The following ARPC5 variants were observed in gnomAD, a reference collection of about 807,000 sequenced individuals.
The protein encoded by ARPC5 is actin-related protein 2/3 complex subunit 5.
A neutral mutation model predicts 15.4 loss-of-function variants in ARPC5; 5 were observed. That is an observed-to-expected ratio of 0.32 (90% CI 0.17 to 0.68). The LOEUF (loss-of-function observed/expected upper bound fraction) is 0.68, where lower values mean the gene tolerates loss of function less well. Ranked by LOEUF, ARPC5 falls within the 30% of genes least tolerant of loss-of-function variation. The pLI is 0.71. For missense variants in ARPC5, 138 were observed against 192.8 expected, an observed-to-expected ratio of 0.72 and a Z score of 1.68; for synonymous variants, 85 against 72.2, an observed-to-expected ratio of 1.18 and a Z score of -0.90.
chr1:183,631,660 G>A (rs1649272100), intron 2 of ARPC5: 1 of 150,378 alleles, frequency 6.6e-6, no homozygotes, highest in African/African-American at 2.4e-5. Context: ...TCCTTCAGAA[G>A]TAATTTTTTC....
chr1:183,630,811 G>T, intron 2 of ARPC5, 174 bp from the exon 3 acceptor site: 1 of 595,368 alleles, frequency 1.7e-6, no homozygotes, highest in Non-Finnish European at 2.8e-6. Flanking sequence ...AGTGCTATTA[G>T]TGTGTGTTCA....
chr1:183,634,625 G>A (rs1238185574), intron 1 of ARPC5, among the ~76,000 whole-genome samples: 1 of 152,090 alleles, frequency 6.6e-6, no homozygotes, highest in Non-Finnish European at 1.5e-5. Context: ...AACAGAAACC[G>A]GGAACTGACT....
rs1649475027 is a variant in ARPC5 at position 183,635,713 on chromosome 1, A to AAGCCC, written c.-59_-55dup. ...TTCTTGGCGCTGCCTCTACCTCAGC[A>AAGCCC]AGCCCAGCCCAGCAACCCACTACCC... On this transcript the variant is annotated 5_prime_UTR_variant, in exon 1 of 4. Transcript: ENST00000359856. 2 of 1,581,742 alleles carry AAGCCC rather than the reference A, an allele frequency of 1.3e-6. No individual in the cohort carries two copies. Among genetic ancestry groups the AAGCCC allele is most frequent in the East Asian group, 4.6e-5 (2 of 43,258 alleles).
In ARPC5 at chr1:183,633,110, G is replaced by A. The variant is rs755040719; in HGVS notation, c.188C>T (p.Pro63Leu). The A allele has an allele frequency of 5.6e-6, 9 of 1,604,534 alleles. No homozygotes were observed. The highest frequency in any genetic ancestry group is 1.6e-4 in the Middle Eastern group (1 of 6,068). Reference sequence around the variant, plus strand: ...CACTGCCTGACTCTTGGTGTTGATAGGGGGGTTCTTCAGAGCTGCCTGTAG... The same window carrying A: ...CACTGCCTGACTCTTGGTGTTGATAAGGGGGTTCTTCAGAGCTGCCTGTAG... ...AALQAALKNP[P>L]INTKSQAVKD... The change falls in exon 2 of 4, where the codon CCT becomes CTT. Residue 63 changes from proline (P) to leucine (L), a missense_variant. By Grantham distance (98) the Pro-to-Leu change is moderately conservative (BLOSUM62 -3). Coordinates refer to ENST00000359856, the MANE Select transcript of ARPC5 (RefSeq NM_005717.4).
Position 183,622,243 on chromosome 1 carries a change from A to G in ARPC5, c.*5289T>C, listed in dbSNP as rs990392456. Reference sequence around the variant, plus strand: ...CAAAAGAGGAACTAGGGTGGAATGGAAAATTACCACAGTACATATTTCTTA... The same window carrying G: ...CAAAAGAGGAACTAGGGTGGAATGGGAAATTACCACAGTACATATTTCTTA... On this transcript the variant is annotated 3_prime_UTR_variant, in exon 4 of 4. Transcript: ENST00000359856. 6.6e-6 allele frequency: 1 copy of G among 152,258 alleles called. No individual in the cohort carries two copies. Among genetic ancestry groups the G allele is most frequent in the African/African-American group, 2.4e-5 (1 of 41,474 alleles). The allele number at this position is 152,258 out of a possible 1,614,324, so 9.4% of individuals were successfully genotyped here. A position where few individuals can be genotyped will look rare whatever the true frequency, so the allele number is the denominator to read the frequency against.
At chr1:183,630,163 T>C (rs949432693) in intron 3 of ARPC5, among the ~76,000 whole-genome samples, 5 of 152,252 alleles carry the variant, frequency 3.3e-5, no homozygotes, top group Non-Finnish European at 7.3e-5. Context: ...TTTTGGTCAC[T>C]GTGAAAGAAT....
chr1:183,633,162 AAGTT>A lies in ARPC5; in HGVS notation c.144-12_144-9del. On this transcript the variant is annotated splice_polypyrimidine_tract_variant and intron_variant, in intron 1 of 3. Transcript: ENST00000359856. Reference sequence around the variant, plus strand: ...GCAGCTGTCATGTTTCCTGTGATGGAAGTTAAGGGTGTAACAGCAAAGGATGGCC... The same window carrying A: ...GCAGCTGTCATGTTTCCTGTGATGGAAAGGGTGTAACAGCAAAGGATGGCC... 6.3e-7 allele frequency: 1 copy of A among 1,594,908 alleles called. No homozygotes were observed. Among genetic ancestry groups the A allele is most frequent in the Non-Finnish European group, 8.5e-7 (1 of 1,172,770 alleles).
Position 183,623,657 on chromosome 1 carries a change from T to G in ARPC5, c.*3875A>C, listed in dbSNP as rs957236781. On this transcript the variant is annotated 3_prime_UTR_variant, in exon 4 of 4. Coordinates refer to ENST00000359856, the MANE Select transcript of ARPC5 (RefSeq NM_005717.4). Reference sequence around the variant, plus strand: ...AATTGGGTGTGTTTTTCAATTATTTTGGTGCTTTTAACATATTTTGTCTGT... The same window carrying G: ...AATTGGGTGTGTTTTTCAATTATTTGGGTGCTTTTAACATATTTTGTCTGT... The G allele has an allele frequency of 1.7e-5, 12 of 712,870 alleles. No homozygotes were observed. The highest frequency in any genetic ancestry group is 2.3e-5 in the Non-Finnish European group (10 of 436,478). 44.2% of individuals were successfully genotyped at this position (712,870 alleles called of 1,614,324 possible).
chr1:183,633,259 T>C (rs1245767538), intron 1 of ARPC5, 105 bp from the exon 2 acceptor site: 21 of 749,922 alleles, frequency 2.8e-5, no homozygotes, highest in Non-Finnish European at 4.5e-5. Flanking sequence ...ATTACTTTGG[T>C]CACTATGTTC....
rs1206705848 is a variant in ARPC5, at chr1:183,624,845, G to T, written c.*2687C>A. 1.3e-5 allele frequency: 2 copies of T among 152,144 alleles called. No homozygotes were observed. Among genetic ancestry groups the T allele is most frequent in the Non-Finnish European group, 2.9e-5 (2 of 68,026 alleles). 9.4% of individuals were successfully genotyped at this position (152,144 alleles called of 1,614,324 possible). A position where few individuals can be genotyped will look rare whatever the true frequency, so the allele number is the denominator to read the frequency against. On this transcript the variant is annotated 3_prime_UTR_variant, in exon 4 of 4. Transcript: ENST00000359856. ...CCAATTAGGCTGAGAGCAAACTGGT[G>T]AACAAGATTCAGACCTTATTCTTCT...
At chr1:183,630,688 G>T (rs772425065) in intron 2 of ARPC5, 51 bp from the exon 3 acceptor site, 2 of 1,531,932 alleles carry the variant, frequency 1.3e-6, no homozygotes, top group South Asian at 1.2e-5. Flanking sequence ...TATGAGGAGG[G>T]TTTAGAATTT....
rs536825648 is a variant in ARPC5 at position 183,621,910 on chromosome 1, C to G, written c.*5622G>C. ...GTTGACCTCCTATCTCATCCTGTGA[C>G]TTAGAATGCCTTAACCATCTGGGAA... On this transcript the variant is annotated 3_prime_UTR_variant, in exon 4 of 4. Coordinates refer to ENST00000359856, the MANE Select transcript of ARPC5 (RefSeq NM_005717.4). 6.6e-6 allele frequency: 1 copy of G among 152,184 alleles called. No homozygotes were observed. The highest frequency in any genetic ancestry group is 1.5e-5 in the Non-Finnish European group (1 of 68,022). The allele number at this position is 152,184 out of a possible 1,614,324, so 9.4% of individuals were successfully genotyped here.
At chr1:183,634,586 C>A (rs2101959555) in intron 1 of ARPC5, among the ~76,000 whole-genome samples, 1 of 152,176 alleles carries the variant, frequency 6.6e-6, no homozygotes, top group Admixed American at 6.5e-5. Flanking sequence ...AAATGCGAAG[C>A]CAAAGTTATG....
intron 2 of ARPC5, 75 bp downstream of exon 2, chr1:183,633,007 T>G (rs1471167013): frequency 9.7e-6 from 11 of 1,135,064 alleles, no homozygotes; most frequent in African/African-American, 1.6e-5. Flanking sequence ...ATATTGATTT[T>G]TTTTTGCAAC....
intron 1 of ARPC5, chr1:183,633,495 T>C (rs1050122600): frequency 3.7e-5 from 6 of 161,236 alleles, no homozygotes; most frequent in Non-Finnish European, 6.7e-5. Context: ...TCAGAATTAT[T>C]AGTCCCCCAA....
chr1:183,635,720 GCCCAGCAAC>G lies in ARPC5; in HGVS notation c.-70_-62del. The G allele has an allele frequency of 6.4e-7, 1 of 1,570,582 alleles. No homozygotes were observed. Among genetic ancestry groups the G allele is most frequent in the South Asian group, 1.2e-5 (1 of 84,648 alleles). ...CGCTGCCTCTACCTCAGCAAGCCCA[GCCCAGCAAC>G]CCACTACCCGGCGCCTGATTCACTT... On this transcript the variant is annotated 5_prime_UTR_variant, in exon 1 of 4. Coordinates refer to ENST00000359856, the MANE Select transcript of ARPC5 (RefSeq NM_005717.4).
chr1:183,630,292 T>A (rs1425762651), intron 3 of ARPC5, 169 bp downstream of exon 3: 1 of 488,494 alleles, frequency 2.0e-6, no homozygotes, highest in African/African-American at 2.0e-5. Context: ...TCAGAATCTC[T>A]TAAGACCAAG....
At chr1:183,632,427 C>T (rs778126482) in intron 2 of ARPC5, 7 of 151,194 alleles carry the variant, frequency 4.6e-5, no homozygotes, top group Non-Finnish European at 1.0e-4. Flanking sequence ...CAGTGGTTTA[C>T]AATAGGAAAA....
At chr1:183,629,014 G>T (rs1649188691) in intron 3 of ARPC5, among the ~76,000 whole-genome samples, 1 of 152,316 alleles carries the variant, frequency 6.6e-6, no homozygotes, top group East Asian at 1.9e-4. Context: ...GAGAGATGCT[G>T]TGAACAGCTG....
Sources: allele counts gnomAD v4.1 joint callset (sites outside exome capture counted in the v4.1 genomes callset), GRCh38; gene constraint gnomAD v4.1.1; transcripts MANE v1.5; gene names NCBI Gene and HGNC (gene_info 2026-07-23, HGNC 2026-07-21).